The following MAMDC2 variants were observed in gnomAD, a reference collection of about 807,000 sequenced individuals.
MAMDC2 encodes MAM domain containing 2.
A neutral mutation model predicts 89.8 loss-of-function variants in MAMDC2; 57 were observed. That is an observed-to-expected ratio of 0.63 (90% CI 0.51 to 0.79). The LOEUF is 0.79. MAMDC2 is among the 30% of genes least tolerant of loss of function. The pLI is 0.00. For missense variants in MAMDC2, 800 were observed against 820.6 expected (o/e 0.97, Z 0.31); for synonymous variants, 313 against 293.4 (o/e 1.07, Z -0.68).
At chr9:70,191,093 G>A (rs1366984647) in intron 11 of MAMDC2, among the ~76,000 whole-genome samples, 1 of 152,078 alleles carries the variant, frequency 6.6e-6, no homozygotes, top group Non-Finnish European at 1.5e-5. Flanking sequence ...ATTTTTAGGA[G>A]GTTTAGTCAG....
At chr9:70,169,359 A>G (rs1413679490) in intron 10 of MAMDC2, among the ~76,000 whole-genome samples, 1 of 152,208 alleles carries the variant, frequency 6.6e-6, no homozygotes, top group East Asian at 1.9e-4. Flanking sequence ...CTCAATCCCA[A>G]TCATTGATCT....
rs1351222869 is a variant in MAMDC2, at chr9:70,081,995, TA to T, written c.149-26211del. 3 of 152,168 alleles carry T rather than the reference TA, an allele frequency of 2.0e-5. No individual in the cohort carries two copies. The East Asian group carries it at 5.8e-4, about 29-fold the overall frequency. 9.4% of individuals were successfully genotyped at this position (152,168 alleles called of 1,614,324 possible). A position where few individuals can be genotyped will look rare whatever the true frequency, so the allele number is the denominator to read the frequency against. ...TTACCTGTGATAATCTTATTTCCAA[TA>T]AAAATAAAAGACACCCTGCCTGGAC... On this transcript the variant is annotated intron_variant, in intron 2 of 13. Transcript: ENST00000377182.
At position 70,225,826 on chromosome 9, in the gene MAMDC2, C is replaced by T; in HGVS notation, c.1988C>T (p.Pro663Leu). The change falls in exon 13 of 14, where the codon CCC becomes CTC. Residue 663 changes from proline (P) to leucine (L), a missense_variant. Pro to Leu is a moderately conservative substitution (Grantham distance 98). Transcript: ENST00000377182. ...AIDDVKFQAGPCGEMEDTTQQ... is the reference protein window; with the variant it reads ...AIDDVKFQAGLCGEMEDTTQQ... ...GATGATGTTAAATTTCAGGCAGGAC[C>T]CTGTGGAGGTAATATTTTTTCCCAA... The T allele has an allele frequency of 6.2e-7, 1 of 1,606,304 alleles. No individual in the cohort carries two copies. Among genetic ancestry groups the T allele is most frequent in the Non-Finnish European group, 8.5e-7 (1 of 1,173,802 alleles).
chr9:70,206,172 G>C lies in MAMDC2; in HGVS notation c.1652-12165G>C, dbSNP rs184847520. ...ATCCACAGGTTCACTTTCCAACTGA[G>C]AGTTTCAGTTACTCTCAGTCAATGG... On this transcript the variant is annotated intron_variant, in intron 11 of 13. Transcript: ENST00000377182. Among the ~76,000 whole-genome samples the C allele has an allele frequency of 8.5e-4, 130 of 152,286 alleles. 1 individual carries two copies. Among genetic ancestry groups the C allele is most frequent in the African/African-American group, 3.1e-3 (127 of 41,550 alleles).
intron 1 of MAMDC2, 63 bp downstream of exon 1, chr9:70,044,294 C>T (rs1175365073): frequency 1.0e-5 from 16 of 1,549,632 alleles, no homozygotes; most frequent in Admixed American, 1.7e-5. Context: ...GCTCCTGCTG[C>T]CCCCGGGGGT....
At chr9:70,048,233 T>C (rs1206000443) in intron 2 of MAMDC2, among the ~76,000 whole-genome samples, 5 of 152,218 alleles carry the variant, frequency 3.3e-5, no homozygotes, top group Non-Finnish European at 7.3e-5. Context: ...TTCTAAATCT[T>C]AAGTTTGAAT....
intron 11 of MAMDC2, among the ~76,000 whole-genome samples, chr9:70,205,177 A>G (rs1669765996): frequency 6.6e-6 from 1 of 152,170 alleles, no homozygotes; most frequent in Admixed American, 6.5e-5. Context: ...TGGTGGTAAA[A>G]TGCACATAAC....
chr9:70,105,834 C>T lies in MAMDC2; in HGVS notation c.149-2377C>T, dbSNP rs375964417. On this transcript the variant is annotated intron_variant, in intron 2 of 13. Coordinates refer to ENST00000377182, the MANE Select transcript of MAMDC2 (RefSeq NM_153267.5). ...ACTCACTGAAAAGCCAAGATAATCA[C>T]CAGCAGATGGACTCTGTGCACCTGC... 2.0e-5 allele frequency: 3 copies of T among 152,152 alleles called. No individual in the cohort carries two copies. In the South Asian group the frequency reaches 6.2e-4, roughly 32 times the overall value. The allele number at this position is 152,152 out of a possible 1,614,324, so 9.4% of individuals were successfully genotyped here.
intron 2 of MAMDC2, among the ~76,000 whole-genome samples, chr9:70,056,848 T>C (rs569006713): frequency 1.3e-5 from 2 of 152,190 alleles, no homozygotes; most frequent in African/African-American, 4.8e-5. Context: ...TAGATTCTCA[T>C]AGGAATGGGA....
chr9:70,095,087 G>A (rs1827994091), intron 2 of MAMDC2, among the ~76,000 whole-genome samples: 1 of 152,340 alleles, frequency 6.6e-6, no homozygotes, highest in South Asian at 2.1e-4. Flanking sequence ...GAAACAGCAT[G>A]TGGGAAGGCC....
In MAMDC2 at chr9:70,044,580, G is replaced by A; in HGVS notation, c.35-4G>A. ...TCGAACTGAAACTCGCTTTGTGCCCGCAGCCCTGCAGCTCGCCGGTGCCCT... is the reference window on the plus strand; with the variant it reads ...TCGAACTGAAACTCGCTTTGTGCCCACAGCCCTGCAGCTCGCCGGTGCCCT... On this transcript the variant is annotated splice_region_variant and splice_polypyrimidine_tract_variant and intron_variant, in intron 1 of 13. Coordinates refer to ENST00000377182, the MANE Select transcript of MAMDC2 (RefSeq NM_153267.5). The A allele has an allele frequency of 6.5e-7, 1 of 1,548,510 alleles. No homozygotes were observed. The highest frequency in any genetic ancestry group is 1.2e-5 in the South Asian group (1 of 83,966).
chr9:70,126,785 C>T (rs2030571223), intron 6 of MAMDC2, among the ~76,000 whole-genome samples: 1 of 151,818 alleles, frequency 6.6e-6, no homozygotes, highest in African/African-American at 2.4e-5. Flanking sequence ...AGCTACCCTT[C>T]CTGAGAGCAG....
intron 11 of MAMDC2, among the ~76,000 whole-genome samples, chr9:70,198,803 T>C (rs901576954): frequency 1.3e-5 from 2 of 152,300 alleles, no homozygotes; most frequent in Middle Eastern, 3.4e-3. Flanking sequence ...TCTTGTGTGA[T>C]TGAAATATTA....
chr9:70,200,490 C>T (rs912799231), intron 11 of MAMDC2, among the ~76,000 whole-genome samples: 2 of 151,774 alleles, frequency 1.3e-5, no homozygotes, highest in Non-Finnish European at 2.9e-5. Context: ...TAGCGTGATT[C>T]CTCCAGCTTT....
At chr9:70,055,386 T>C (rs990761498) in intron 2 of MAMDC2, among the ~76,000 whole-genome samples, 21 of 152,144 alleles carry the variant, frequency 1.4e-4, no homozygotes, top group African/African-American at 4.6e-4. Flanking sequence ...CCAAAGCAAC[T>C]CAGTTGGAGA....
At position 70,214,263 on chromosome 9, in the gene MAMDC2, G is replaced by A. The variant is rs2033406448; in HGVS notation, c.1652-4074G>A. Among the ~76,000 whole-genome samples the A allele has an allele frequency of 3.3e-5, 5 of 152,192 alleles. No homozygotes were observed. The South Asian group carries it at 1.0e-3, about 31-fold the overall frequency. On this transcript the variant is annotated intron_variant, in intron 11 of 13. Coordinates refer to ENST00000377182, the MANE Select transcript of MAMDC2 (RefSeq NM_153267.5). ...ATTTGGAATAGTATAGTCAGAACAG[G>A]TCTAATAGAAAAGGTGACATCTGAG... is the stretch of plus-strand genomic sequence containing the variant.
intron 11 of MAMDC2, among the ~76,000 whole-genome samples, chr9:70,213,022 T>A (rs1299186903): frequency 6.6e-6 from 1 of 152,154 alleles, no homozygotes; most frequent in Non-Finnish European, 1.5e-5. Flanking sequence ...CTAAATGAAT[T>A]AGTCCATTGT....
At chr9:70,143,892 C>T in intron 9 of MAMDC2, 73 bp downstream of exon 9, 1 of 1,535,680 alleles carries the variant, frequency 6.5e-7, no homozygotes, top group Middle Eastern at 2.2e-4. Context: ...CGTCTAGCTA[C>T]TGTCAACTGG....
At chr9:70,088,556 A>C (rs867577697) in intron 2 of MAMDC2, 3 of 151,828 alleles carry the variant, frequency 2.0e-5, no homozygotes, top group Non-Finnish European at 4.4e-5. Context: ...GTGTTTTCCA[A>C]AGTGTAGTAG....
Sources: allele counts gnomAD v4.1 joint callset (sites outside exome capture counted in the v4.1 genomes callset), GRCh38; gene constraint gnomAD v4.1.1; transcripts MANE v1.5; gene names NCBI Gene and HGNC (gene_info 2026-07-23, HGNC 2026-07-21).